XKR9: variants seen among roughly 807,000 people sequenced by gnomAD.
XKR9 encodes XK related 9.
A neutral mutation model predicts 32.0 loss-of-function variants in XKR9; 32 were observed. The ratio of observed to expected loss-of-function variants is 1.00; its 90% CI spans 0.76 to 1.34. The LOEUF is 1.34. Among genes scored for constraint, XKR9 ranks in the 40% most tolerant of loss-of-function variants. The probability of loss-of-function intolerance (pLI) is 0.00; values close to 1 mark genes in which losing one functional copy is unlikely to be tolerated. For synonymous variants in XKR9, 168 were observed against 143.4 expected (o/e 1.17, Z -1.22); for missense variants, 546 against 429.7 (o/e 1.27, Z -2.39).
chr8:70,974,306 A>C, the XKR9 span, among the ~76,000 whole-genome samples: 3 of 151,466 alleles, frequency 2.0e-5, no homozygotes, highest in Non-Finnish European at 4.4e-5. Flanking sequence ...GGTTTGTTAC[A>C]TATGTATACA....
chr8:70,986,951 A>T, the XKR9 span, among the ~76,000 whole-genome samples: 3 of 152,320 alleles, frequency 2.0e-5, no homozygotes, highest in Admixed American at 2.0e-4. Context: ...TCTTAAATGG[A>T]TGGCAACAGG....
At chr8:70,730,221 C>T (rs996274300) in intron 4 of XKR9, among the ~76,000 whole-genome samples, 14 of 152,098 alleles carry the variant, frequency 9.2e-5, no homozygotes, top group African/African-American at 3.1e-4. Flanking sequence ...TTTAATATTA[C>T]ATAAAAATCT....
At chr8:71,010,637 T>C in the XKR9 span, among the ~76,000 whole-genome samples, 65,089 of 152,012 alleles carry the variant, frequency 0.43, 15,072 homozygotes, top group Non-Finnish European at 0.53. Flanking sequence ...TATCATTACA[T>C]GGACCCCGAT....
intron 2 of XKR9, among the ~76,000 whole-genome samples, chr8:70,757,150 G>A (rs1414189024): frequency 6.6e-6 from 1 of 151,698 alleles, no homozygotes. Flanking sequence ...TACATTATTT[G>A]AGTTTTGGAT....
intron 2 of XKR9, among the ~76,000 whole-genome samples, chr8:70,767,700 G>A (rs577400563): frequency 8.6e-5 from 13 of 151,590 alleles, no homozygotes; most frequent in African/African-American, 2.7e-4. Context: ...ATGGGGTTTC[G>A]CTGTGTTAGC....
the XKR9 span, among the ~76,000 whole-genome samples, chr8:70,872,847 A>G: frequency 6.6e-6 from 1 of 152,050 alleles, no homozygotes; most frequent in African/African-American, 2.4e-5. Context: ...TTTAGTAGAG[A>G]TGGGGTTTCT....
chr8:70,964,869 A>G, the XKR9 span, among the ~76,000 whole-genome samples: 1 of 152,170 alleles, frequency 6.6e-6, no homozygotes, highest in Admixed American at 6.5e-5. Context: ...GCAGTTTTCC[A>G]GATATAGGAT....
chr8:70,747,981 A>G (rs548976349), intron 2 of XKR9, among the ~76,000 whole-genome samples: 1 of 152,302 alleles, frequency 6.6e-6, no homozygotes, highest in African/African-American at 2.4e-5. Flanking sequence ...ACTATCCCTG[A>G]AATTTTCTGT....
At chr8:70,873,951 A>G in the XKR9 span, among the ~76,000 whole-genome samples, 2 of 152,208 alleles carry the variant, frequency 1.3e-5, no homozygotes, top group African/African-American at 4.8e-5. Flanking sequence ...AATCTCCAGC[A>G]ACCCCCCTCC....
At chr8:70,934,416 A>G in the XKR9 span, among the ~76,000 whole-genome samples, 1 of 152,012 alleles carries the variant, frequency 6.6e-6, no homozygotes, top group Non-Finnish European at 1.5e-5. Context: ...TATGAAGAAA[A>G]CCCTGCTATG....
At chr8:70,904,503 C>G in the XKR9 span, among the ~76,000 whole-genome samples, 2 of 152,042 alleles carry the variant, frequency 1.3e-5, no homozygotes, top group African/African-American at 4.8e-5. Context: ...TTATTTTGAG[C>G]CTATTTGTAT....
chr8:70,755,308 C>G (rs367567883), intron 2 of XKR9, among the ~76,000 whole-genome samples: 212 of 152,212 alleles, frequency 1.4e-3, no homozygotes, highest in Middle Eastern at 6.8e-3. Flanking sequence ...TACACTGTTG[C>G]TGGGACTGTA....
At chr8:70,985,013 G>T in the XKR9 span, among the ~76,000 whole-genome samples, 1 of 151,930 alleles carries the variant, frequency 6.6e-6, no homozygotes, top group African/African-American at 2.4e-5. Context: ...TGCTAAGAAG[G>T]TATAACTAAT....
chr8:70,901,367 G>C, the XKR9 span, among the ~76,000 whole-genome samples: 1 of 152,168 alleles, frequency 6.6e-6, no homozygotes, highest in African/African-American at 2.4e-5. Flanking sequence ...GGTGTGAGAT[G>C]GTATCTCATT....
At chr8:70,858,697 A>C in the XKR9 span, among the ~76,000 whole-genome samples, 1 of 152,086 alleles carries the variant, frequency 6.6e-6, no homozygotes, top group African/African-American at 2.4e-5. Flanking sequence ...CCCAGATATA[A>C]ATCCTTGCAT....
At chr8:70,841,788 C>G in the XKR9 span, among the ~76,000 whole-genome samples, 4 of 152,170 alleles carry the variant, frequency 2.6e-5, no homozygotes, top group African/African-American at 9.7e-5. Context: ...TTAGGTGACA[C>G]ATAAGGTCAA....
At chr8:70,708,706 G>C (rs1461224319) in intron 4 of XKR9, among the ~76,000 whole-genome samples, 1 of 152,016 alleles carries the variant, frequency 6.6e-6, no homozygotes, top group East Asian at 1.9e-4. Flanking sequence ...AATTATGAAT[G>C]ATTGTTTTCA....
chr8:70,681,448 A>G, intron 3 of XKR9, 118 bp downstream of exon 3: 1 of 1,242,284 alleles, frequency 8.0e-7, no homozygotes, highest in Non-Finnish European at 1.1e-6. Flanking sequence ...TGAAGCACAA[A>G]GGTTACTTGC....
the XKR9 span, among the ~76,000 whole-genome samples, chr8:71,060,326 T>G: frequency 1.8e-4 from 27 of 152,322 alleles, no homozygotes; most frequent in African/African-American, 6.5e-4. Context: ...TTGACCAAGT[T>G]GACAGAGCCA....
Sources: gnomAD v4.1 joint callset for allele counts (sites outside exome capture counted in the v4.1 genomes callset) on GRCh38, gnomAD v4.1.1 for gene constraint, MANE v1.5 for transcripts, NCBI Gene and HGNC (gene_info 2026-07-23, HGNC 2026-07-21) for gene names.